The following MCC variants were observed in gnomAD, a reference collection of about 807,000 sequenced individuals.
The protein encoded by MCC is MCC regulator of Wnt signaling pathway.
Under a neutral mutation model 116.2 loss-of-function variants are expected in MCC, and 90 were observed. The observed-to-expected ratio is 0.77, with a 90% confidence interval of 0.65 to 0.92. The LOEUF (loss-of-function observed/expected upper bound fraction) is 0.92. MCC is among the 40% of genes least tolerant of loss of function. The pLI is 0.00. For missense variants in MCC, 1,516 were observed against 1,312.2 expected (o/e 1.16, Z -2.40); for synonymous variants, 578 against 510.5 (o/e 1.13, Z -1.78).
At chr5:113,368,181 C>A (rs900798697) in intron 2 of MCC, among the ~76,000 whole-genome samples, 2 of 152,196 alleles carry the variant, frequency 1.3e-5, no homozygotes, top group African/African-American at 4.8e-5. Flanking sequence ...TAACATCCAG[C>A]ATTTGTGAGA....
rs568115353 is a variant in MCC at position 113,181,940 on chromosome 5, T to C, written c.628-30518A>G. Among the ~76,000 whole-genome samples the C allele has an allele frequency of 2.1e-4, 32 of 152,262 alleles. No homozygotes were observed. In the South Asian group the frequency reaches 3.7e-3, roughly 18 times the overall value. ...TGCTCTCCAAGGACCCCATTCCCTA[T>C]CAGGTGCATTATCTGCTCATCAGCA... On this transcript the variant is annotated intron_variant, in intron 3 of 18. Coordinates refer to ENST00000408903, the MANE Select transcript of MCC (RefSeq NM_001085377.2).
chr5:113,468,509 G>A (rs1297002446), intron 1 of MCC, among the ~76,000 whole-genome samples: 2 of 152,298 alleles, frequency 1.3e-5, no homozygotes, highest in Admixed American at 6.5e-5. Context: ...TGTTGAACCA[G>A]CCTTGCATCC....
chr5:113,455,934 A>C (rs1771530037), intron 1 of MCC, among the ~76,000 whole-genome samples: 1 of 152,214 alleles, frequency 6.6e-6, no homozygotes. Context: ...GTGCCACAGA[A>C]AGGGTAAATA....
intron 3 of MCC, among the ~76,000 whole-genome samples, chr5:113,333,748 A>C (rs1767755782): frequency 9.2e-6 from 1 of 108,298 alleles, no homozygotes; most frequent in East Asian, 3.3e-4. Flanking sequence ...ATGTTAGATA[A>C]CTAAATGCAC....
chr5:113,172,450 C>T (rs1390170918), intron 3 of MCC, among the ~76,000 whole-genome samples: 1 of 148,366 alleles, frequency 6.7e-6, no homozygotes, highest in Non-Finnish European at 1.5e-5. Context: ...TATAGCTTTA[C>T]AGCTGAAAAC....
At chr5:113,072,985 C>T (rs984976051) in intron 11 of MCC, among the ~76,000 whole-genome samples, 7 of 152,208 alleles carry the variant, frequency 4.6e-5, no homozygotes, top group African/African-American at 1.7e-4. Context: ...GTCTACCCAA[C>T]ACTACATGCT....
rs141460901 is a variant in MCC at position 113,156,666 on chromosome 5, C to G, written c.628-5244G>C. 4.5e-3 allele frequency among the ~76,000 whole-genome samples: 679 copies of G among 152,230 alleles called. 6 individuals carry two copies. The highest frequency in any genetic ancestry group is 0.015 in the African/African-American group (607 of 41,540). On this transcript the variant is annotated intron_variant, in intron 3 of 18. Transcript: ENST00000408903. ...AACGAGGTTGGATAGAACCCTGACACTTTGTATACAAATCTGGATCTAGTG... is the reference window on the plus strand; with the variant it reads ...AACGAGGTTGGATAGAACCCTGACAGTTTGTATACAAATCTGGATCTAGTG...
intron 8 of MCC, among the ~76,000 whole-genome samples, chr5:113,098,974 C>G (rs1036041721): frequency 6.6e-6 from 1 of 152,160 alleles, no homozygotes; most frequent in Non-Finnish European, 1.5e-5. Flanking sequence ...TCGTCAAGAA[C>G]AGAAGACAAT....
chr5:113,158,982 C>T (rs1282369194), intron 3 of MCC, among the ~76,000 whole-genome samples: 1 of 152,012 alleles, frequency 6.6e-6, no homozygotes, highest in Non-Finnish European at 1.5e-5. Flanking sequence ...TGTGCACAGG[C>T]AGGGCTGAAG....
At chr5:113,060,718 C>T (rs901236820) in intron 14 of MCC, among the ~76,000 whole-genome samples, 3 of 152,224 alleles carry the variant, frequency 2.0e-5, no homozygotes, top group Non-Finnish European at 2.9e-5. Context: ...ATACCTTGTT[C>T]TCATAGAACC....
chr5:113,034,227 G>C (rs1580884518), intron 17 of MCC, among the ~76,000 whole-genome samples: 2 of 152,112 alleles, frequency 1.3e-5, no homozygotes, highest in African/African-American at 2.4e-5. Flanking sequence ...ACGTAATGTG[G>C]TACGTTTCAA....
intron 1 of MCC, among the ~76,000 whole-genome samples, chr5:113,414,027 T>G (rs1003752374): frequency 1.3e-5 from 2 of 152,196 alleles, no homozygotes; most frequent in Non-Finnish European, 2.9e-5. Flanking sequence ...ATTTTGTTAT[T>G]TACCTAGTAG....
chr5:113,283,816 T>A (rs1766145080), intron 3 of MCC, among the ~76,000 whole-genome samples: 1 of 152,244 alleles, frequency 6.6e-6, no homozygotes, highest in African/African-American at 2.4e-5. Flanking sequence ...CAACACTGGT[T>A]TGAACTGCTA....
intron 13 of MCC, 110 bp from the exon 14 acceptor site, chr5:113,064,277 G>T: frequency 9.8e-7 from 1 of 1,015,840 alleles, no homozygotes. Context: ...TGGCACTGTG[G>T]AAGGGAATTG....
intron 17 of MCC, among the ~76,000 whole-genome samples, chr5:113,036,708 CCTCTA>C (rs1333085601): frequency 1.3e-5 from 2 of 152,054 alleles, no homozygotes; most frequent in African/African-American, 2.4e-5. Flanking sequence ...GTTCCAGTGC[CCTCTA>C]CCACTCTGCC....
chr5:113,174,842 T>C (rs1561427881), intron 3 of MCC, among the ~76,000 whole-genome samples: 1 of 151,998 alleles, frequency 6.6e-6, no homozygotes, highest in Non-Finnish European at 1.5e-5. Context: ...TCCTGCCTTG[T>C]CCTCCCAAAG....
At chr5:113,360,472 T>C (rs1768519285) in intron 2 of MCC, among the ~76,000 whole-genome samples, 1 of 152,214 alleles carries the variant, frequency 6.6e-6, no homozygotes, top group Non-Finnish European at 1.5e-5. Context: ...AACATTGTCC[T>C]TGTTATGTTT....
At chr5:113,030,852 C>A (rs28562302) in intron 17 of MCC, among the ~76,000 whole-genome samples, 44,720 of 152,162 alleles carry the variant, frequency 0.29, 7,861 homozygotes, top group African/African-American at 0.5. Context: ...TGCTTAACTC[C>A]TGAAGGGGGT....
At chr5:113,458,809 T>A (rs1047709518) in intron 1 of MCC, among the ~76,000 whole-genome samples, 1 of 152,162 alleles carries the variant, frequency 6.6e-6, no homozygotes, top group Non-Finnish European at 1.5e-5. Flanking sequence ...TATCTGCAGA[T>A]AAGGACAAAA....
Sources: allele counts gnomAD v4.1 joint callset (sites outside exome capture counted in the v4.1 genomes callset), GRCh38; gene constraint gnomAD v4.1.1; transcripts MANE v1.5; gene names NCBI Gene and HGNC (gene_info 2026-07-23, HGNC 2026-07-21).